The following PARP1 variants were observed in gnomAD, a reference collection of about 807,000 sequenced individuals.
PARP1 encodes the protein poly [ADP-ribose] polymerase 1.
PARP1 carries 44 observed loss-of-function variants against 118.7 expected under a neutral mutation model. The observed-to-expected ratio is 0.37, with a 90% confidence interval of 0.29 to 0.48. The LOEUF (loss-of-function observed/expected upper bound fraction) is 0.48, where lower values mean the gene tolerates loss of function less well. Ranked by LOEUF, PARP1 falls within the 20% of genes least tolerant of loss-of-function variation. The pLI is 0.99. For missense variants in PARP1, 1,100 were observed against 1,272.4 expected (o/e 0.86, Z 2.06); for synonymous variants, 492 against 483.2 (o/e 1.02, Z -0.24).
intron 2 of PARP1, among the ~76,000 whole-genome samples, chr1:226,395,609 C>T (rs1029303127): frequency 1.8e-4 from 27 of 152,056 alleles, no homozygotes; most frequent in Admixed American, 1.7e-3. Flanking sequence ...TGCACCACTG[C>T]ACTCCAGCCT....
chr1:226,407,732 G>GCCCACCCCCCC, intron 1 of PARP1, 78 bp downstream of exon 1: 2 of 1,102,996 alleles, frequency 1.8e-6, no homozygotes, highest in Non-Finnish European at 2.5e-6. Context: ...CCCTGGGCCC[G>GCCCACCCCCCC]CCCTCCCCCA....
At position 226,407,702 on chromosome 1, in the gene PARP1, A is replaced by AGGGCCG. The variant is rs1553298977; in HGVS notation, c.120+107_120+108insCGGCCC. The AGGGCCG allele has an allele frequency of 1.9e-5, 18 of 968,310 alleles. No homozygotes were observed. The African/African-American group carries it at 2.3e-4, about 12-fold the overall frequency. The allele number at this position is 968,310 out of a possible 1,614,324, so 60.0% of individuals were successfully genotyped here. A position where few individuals can be genotyped will look rare whatever the true frequency, so the allele number is the denominator to read the frequency against. ...CCCATAGGCCCCAAGTGCCGCTCCG[A>AGGGCCG]GGGCCCGGGCCCGCTCGCTCCCTGG... On this transcript the variant is annotated intron_variant, in intron 1 of 22. Coordinates refer to ENST00000366794, the MANE Select transcript of PARP1 (RefSeq NM_001618.4).
At chr1:226,391,652 G>A (rs1576400329) in intron 3 of PARP1, among the ~76,000 whole-genome samples, 1 of 152,180 alleles carries the variant, frequency 6.6e-6, no homozygotes, top group Non-Finnish European at 1.5e-5. Flanking sequence ...CCTCCGGGAG[G>A]CAGAGACTTT....
Position 226,370,523 on chromosome 1 carries a change from G to A in PARP1, c.2071-6C>T, listed in dbSNP as rs748687261. On this transcript the variant is annotated splice_region_variant and splice_polypyrimidine_tract_variant and intron_variant, in intron 14 of 22. Coordinates refer to ENST00000366794, the MANE Select transcript of PARP1 (RefSeq NM_001618.4). ...GGCATCTTCTGAAGGTCGATCTGAG[G>A]AGACAGGGGATTTCGCTCTGAAAGC... 2 of 1,611,760 alleles carry A rather than the reference G, an allele frequency of 1.2e-6. No individual in the cohort carries two copies. The highest frequency in any genetic ancestry group is 1.7e-6 in the Non-Finnish European group (2 of 1,177,888).
chr1:226,397,586 C>G (rs1415650147), intron 2 of PARP1, among the ~76,000 whole-genome samples: 1 of 152,140 alleles, frequency 6.6e-6, no homozygotes, highest in Non-Finnish European at 1.5e-5. Flanking sequence ...CAGATTTCTC[C>G]CTTGGTGCTG....
At chr1:226,383,253 G>C in intron 7 of PARP1, 70 bp from the exon 8 acceptor site, 1 of 1,240,256 alleles carries the variant, frequency 8.1e-7, no homozygotes, top group Non-Finnish European at 1.2e-6. Context: ...GACCAAAGAG[G>C]ATTTGGCTTG....
At chr1:226,375,817 A>G (rs1199444916) in intron 13 of PARP1, among the ~76,000 whole-genome samples, 2 of 152,216 alleles carry the variant, frequency 1.3e-5, no homozygotes, top group Non-Finnish European at 2.9e-5. Context: ...TAGAAGACAT[A>G]AGGAAATGCT....
intron 4 of PARP1, 69 bp from the exon 5 acceptor site, chr1:226,388,824 G>A: frequency 8.7e-7 from 1 of 1,146,538 alleles, no homozygotes; most frequent in Non-Finnish European, 1.3e-6. Flanking sequence ...GACTTGCGGT[G>A]ATGCAGTATC....
At chr1:226,371,334 GC>G (rs1558234999) in intron 14 of PARP1, among the ~76,000 whole-genome samples, 1 of 152,154 alleles carries the variant, frequency 6.6e-6, no homozygotes, top group Non-Finnish European at 1.5e-5. Context: ...CCGTGACTGC[GC>G]CTTTCCATTT....
At chr1:226,404,079 C>G (rs1267480415) in intron 1 of PARP1, among the ~76,000 whole-genome samples, 1 of 152,196 alleles carries the variant, frequency 6.6e-6, no homozygotes, top group Admixed American at 6.5e-5. Flanking sequence ...AGCACTCCCT[C>G]AGATCTCCCA....
At chr1:226,396,869 C>G (rs896769336) in intron 2 of PARP1, among the ~76,000 whole-genome samples, 6 of 152,034 alleles carry the variant, frequency 3.9e-5, no homozygotes, top group Admixed American at 3.9e-4. Flanking sequence ...CCACTGCACT[C>G]CAGCCTGGGT....
At position 226,380,116 on chromosome 1, in the gene PARP1, T is replaced by C. The variant is rs374389375; in HGVS notation, c.1349A>G (p.Asn450Ser). 39 of 1,614,096 alleles carry C rather than the reference T, an allele frequency of 2.4e-5. No homozygotes were observed. The highest frequency in any genetic ancestry group is 1.3e-4 in the African/African-American group (10 of 74,942). The stretch of plus-strand genomic sequence containing the variant: ...GAAGTCCTCAGACACAACTCGGATG[T>C]TGGCTTCCTTTACTTCCTCCATCTT... ...NKKMEEVKEA[N>S]IRVVSEDFLQ... The change falls in exon 10 of 23, where the codon AAC (asparagine) becomes AGC (serine). Residue 450 changes from asparagine (N) to serine (S), a missense_variant. Transcript: ENST00000366794.
intron 15 of PARP1, 115 bp downstream of exon 15, chr1:226,370,319 T>C: frequency 1.2e-6 from 1 of 815,648 alleles, no homozygotes; most frequent in Non-Finnish European, 2.2e-6. Flanking sequence ...GAAGTGCAGT[T>C]CAGTACTTCC....
At chr1:226,378,216 G>A (rs1664532793) in intron 12 of PARP1, among the ~76,000 whole-genome samples, 1 of 152,036 alleles carries the variant, frequency 6.6e-6, no homozygotes, top group African/African-American at 2.4e-5. Flanking sequence ...TTTAGTAAGA[G>A]TTCCTTCCAC....
chr1:226,368,458 G>C (rs1034885501), intron 15 of PARP1, 137 bp from the exon 16 acceptor site: 7 of 1,049,520 alleles, frequency 6.7e-6, no homozygotes, highest in Non-Finnish European at 1.0e-5. Context: ...GGACACATGG[G>C]AAACGACCAG....
chr1:226,385,046 T>A, intron 7 of PARP1, among the ~76,000 whole-genome samples: 1 of 152,102 alleles, frequency 6.6e-6, no homozygotes, highest in East Asian at 1.9e-4. Flanking sequence ...GAGAATTCCA[T>A]AAGCAGTTCC....
At chr1:226,377,840 T>C (rs564010331) in intron 12 of PARP1, among the ~76,000 whole-genome samples, 8 of 152,330 alleles carry the variant, frequency 5.3e-5, no homozygotes, top group Non-Finnish European at 7.4e-5. Flanking sequence ...CCAGCTGCTG[T>C]GCTGCTCAGC....
Position 226,402,248 on chromosome 1 carries a change from T to TTTC in PARP1, c.249_251dup (p.Lys84dup). The TTTC allele has an allele frequency of 6.2e-7, 1 of 1,614,228 alleles. No homozygotes were observed. The highest frequency in any genetic ancestry group is 8.5e-7 in the Non-Finnish European group (1 of 1,180,048). ...CTCCAGCTTCCGCTGTCTTCTTGAC[T>TTTC]TTCTGCTGGTCATCCCACCGAAGCT... On this transcript the variant is annotated inframe_insertion, in exon 2 of 23. Transcript: ENST00000366794.
chr1:226,375,827 T>C (rs1664475976), intron 13 of PARP1, among the ~76,000 whole-genome samples: 1 of 152,158 alleles, frequency 6.6e-6, no homozygotes, highest in African/African-American at 2.4e-5. Context: ...AAGGAAATGC[T>C]CCTGGTACAT....
Sources: gnomAD v4.1 joint callset for allele counts (sites outside exome capture counted in the v4.1 genomes callset) on GRCh38, gnomAD v4.1.1 for gene constraint, MANE v1.5 for transcripts, NCBI Gene and HGNC (gene_info 2026-07-23, HGNC 2026-07-21) for gene names.